Variants in BMPR1B observed in about 807,000 individuals in gnomAD.
BMPR1B encodes the protein bone morphogenetic protein receptor type 1B, also known as bone morphogenetic protein receptor type-1B.
BMPR1B carries 12 observed loss-of-function variants against 59.1 expected under a neutral mutation model. That is an observed-to-expected ratio of 0.20 (90% CI 0.13 to 0.33). The LOEUF (loss-of-function observed/expected upper bound fraction) is 0.33. Ranked by LOEUF, BMPR1B falls within the 10% of genes least tolerant of loss-of-function variation. The pLI is 1.00. For missense variants in BMPR1B, 550 were observed against 610.9 expected, an observed-to-expected ratio of 0.90 and a Z score of 1.05; for synonymous variants, 237 against 207.3, an observed-to-expected ratio of 1.14 and a Z score of -1.23.
chr4:94,930,787 C>T (rs1218530465), intron 2 of BMPR1B, among the ~76,000 whole-genome samples: 1 of 152,104 alleles, frequency 6.6e-6, no homozygotes, highest in African/African-American at 2.4e-5. Flanking sequence ...GTGACTATCT[C>T]TTGAAGATAT....
At chr4:94,845,743 T>C (rs1315631573) in intron 1 of BMPR1B, among the ~76,000 whole-genome samples, 1 of 152,250 alleles carries the variant, frequency 6.6e-6, no homozygotes, top group Non-Finnish European at 1.5e-5. Context: ...CTTATTTATA[T>C]CTTCTGTTTA....
intron 3 of BMPR1B, among the ~76,000 whole-genome samples, chr4:95,067,203 A>G (rs905143639): frequency 6.6e-6 from 1 of 152,134 alleles, no homozygotes; most frequent in Non-Finnish European, 1.5e-5. Context: ...CATTTTACAG[A>G]TTTAATAGGG....
At chr4:94,955,752 C>T (rs1306261282) in intron 2 of BMPR1B, among the ~76,000 whole-genome samples, 2 of 151,986 alleles carry the variant, frequency 1.3e-5, no homozygotes, top group African/African-American at 2.4e-5. Flanking sequence ...TCTTAGCCTC[C>T]TGAGTAGCTG....
At chr4:94,810,227 T>C (rs1723762270) in intron 1 of BMPR1B, among the ~76,000 whole-genome samples, 1 of 152,226 alleles carries the variant, frequency 6.6e-6, no homozygotes, top group African/African-American at 2.4e-5. Context: ...TTACTGTTTT[T>C]TGTTAGAGAC....
intron 6 of BMPR1B, among the ~76,000 whole-genome samples, chr4:95,123,560 C>T (rs567789708): frequency 8.5e-5 from 13 of 152,136 alleles, no homozygotes; most frequent in East Asian, 5.8e-4. Context: ...TATCCTGTGT[C>T]GAGCCTGTTC....
intron 3 of BMPR1B, among the ~76,000 whole-genome samples, chr4:95,029,861 G>A (rs1560605287): frequency 6.6e-6 from 1 of 152,156 alleles, no homozygotes. Flanking sequence ...TTCTCTTAAG[G>A]CCTAGTGATG....
chr4:94,841,110 G>T (rs1488130087), intron 1 of BMPR1B, among the ~76,000 whole-genome samples: 1 of 149,010 alleles, frequency 6.7e-6, no homozygotes, highest in Non-Finnish European at 1.5e-5. Context: ...TGAGGAGGCA[G>T]TCTGCCCGTT....
intron 1 of BMPR1B, among the ~76,000 whole-genome samples, chr4:94,776,725 C>T (rs1722382966): frequency 6.6e-6 from 1 of 152,136 alleles, no homozygotes; most frequent in South Asian, 2.1e-4. Context: ...GAGTCAGAAT[C>T]CATCCAGTTA....
chr4:94,976,598 C>T lies in BMPR1B; in HGVS notation c.-112-19442C>T, dbSNP rs561179864. Reference sequence around the variant, plus strand: ...TTTTGTCTTCCAAATCAATTCCAGACACAGATAAGGCTCCTTGGCTAAGGC... The same window carrying T: ...TTTTGTCTTCCAAATCAATTCCAGATACAGATAAGGCTCCTTGGCTAAGGC... On this transcript the variant is annotated intron_variant, in intron 2 of 12. Coordinates refer to ENST00000515059, the MANE Select transcript of BMPR1B (RefSeq NM_001203.3). Among the ~76,000 whole-genome samples, 11 of 152,274 alleles carry T rather than the reference C, an allele frequency of 7.2e-5. No homozygotes were observed. In the South Asian group the frequency reaches 8.3e-4, roughly 11 times the overall value.
intron 3 of BMPR1B, among the ~76,000 whole-genome samples, chr4:95,039,898 C>G (rs1167149911): frequency 3.3e-5 from 5 of 152,074 alleles, no homozygotes; most frequent in Non-Finnish European, 4.4e-5. Context: ...GACTCTGAAC[C>G]AAAAATCATG....
At position 95,115,683 on chromosome 4, in the gene BMPR1B, A is replaced by G; in HGVS notation, c.247-2A>G. 1 of 1,612,172 alleles carries G rather than the reference A, an allele frequency of 6.2e-7. No homozygotes were observed. The highest frequency in any genetic ancestry group is 1.1e-5 in the South Asian group (1 of 91,054). ...CTAATAGCTGTTTGGGTTCGATTATAGGACACTCCCATTCCTCATCAAAGA... is the reference window on the plus strand; with the variant it reads ...CTAATAGCTGTTTGGGTTCGATTATGGGACACTCCCATTCCTCATCAAAGA... On this transcript the variant is annotated splice_acceptor_variant, in intron 5 of 12. Transcript: ENST00000515059. LOFTEE classifies it high-confidence loss of function.
chr4:94,829,402 T>C (rs2110667858), intron 1 of BMPR1B, among the ~76,000 whole-genome samples: 1 of 150,218 alleles, frequency 6.7e-6, no homozygotes, highest in East Asian at 2.0e-4. Flanking sequence ...GCCTCCTGAG[T>C]AGCTGGGATT....
intron 1 of BMPR1B, among the ~76,000 whole-genome samples, chr4:94,846,667 T>G (rs1725344332): frequency 6.6e-6 from 1 of 152,168 alleles, no homozygotes; most frequent in African/African-American, 2.4e-5. Context: ...TGTGATCATG[T>G]GAGTTAATAC....
chr4:94,922,831 C>T (rs553203187), intron 2 of BMPR1B, among the ~76,000 whole-genome samples: 3 of 152,098 alleles, frequency 2.0e-5, no homozygotes, highest in African/African-American at 7.2e-5. Context: ...AATACCTTTA[C>T]ACCCTCTATA....
At chr4:95,092,997 T>G (rs917680004) in intron 3 of BMPR1B, among the ~76,000 whole-genome samples, 2 of 152,150 alleles carry the variant, frequency 1.3e-5, no homozygotes, top group Non-Finnish European at 2.9e-5. Flanking sequence ...TCTAGTTGAC[T>G]CTGACATTAT....
intron 1 of BMPR1B, among the ~76,000 whole-genome samples, chr4:94,805,638 T>A (rs1578664264): frequency 6.6e-6 from 1 of 152,134 alleles, no homozygotes; most frequent in East Asian, 1.9e-4. Context: ...CAAATGGGCT[T>A]TAAATAGAAA....
chr4:94,791,250 A>T (rs991941935), intron 1 of BMPR1B, among the ~76,000 whole-genome samples: 1 of 152,112 alleles, frequency 6.6e-6, no homozygotes, highest in Non-Finnish European at 1.5e-5. Flanking sequence ...TGGCCTCCCA[A>T]AGTGCTGGGA....
chr4:94,831,513 C>T (rs1388641149), intron 1 of BMPR1B, among the ~76,000 whole-genome samples: 1 of 152,164 alleles, frequency 6.6e-6, no homozygotes, highest in Non-Finnish European at 1.5e-5. Flanking sequence ...TCATGTACCA[C>T]TCACCCAGAG....
At chr4:95,046,496 T>A (rs951257840) in intron 3 of BMPR1B, among the ~76,000 whole-genome samples, 4 of 152,174 alleles carry the variant, frequency 2.6e-5, no homozygotes, top group African/African-American at 9.7e-5. Context: ...ATTTAACAGT[T>A]AGGTAATGAG....
Sources: gnomAD v4.1 joint callset for allele counts (sites outside exome capture counted in the v4.1 genomes callset) on GRCh38, gnomAD v4.1.1 for gene constraint, MANE v1.5 for transcripts, NCBI Gene and HGNC (gene_info 2026-07-23, HGNC 2026-07-21) for gene names.